ELOVL6: variants seen among roughly 807,000 people sequenced by gnomAD.
The protein encoded by ELOVL6 is ELOVL fatty acid elongase 6.
In ELOVL6, 8 loss-of-function variants were observed where a neutral mutation model predicts 31.7. The ratio of observed to expected loss-of-function variants is 0.25; its 90% confidence interval spans 0.15 to 0.45. The LOEUF (loss-of-function observed/expected upper bound fraction) is 0.45, where lower values mean the gene tolerates loss of function less well. ELOVL6 is among the 20% of genes least tolerant of loss of function. ELOVL6 has a pLI of 1.00. For missense variants in ELOVL6, 126 were observed against 326.4 expected, an observed-to-expected ratio of 0.39 and a Z score of 4.73; for synonymous variants, 101 against 117.7, an observed-to-expected ratio of 0.86 and a Z score of 0.92.
rs769435874 is a variant in ELOVL6, at chr4:110,198,215, C to T, written c.89+32G>A. On this transcript the variant is annotated intron_variant, in intron 1 of 3. Transcript: ENST00000302274. ...ACTCCGGGAAGACGCGCAGGGCTCC[C>T]GGGAACAGTATCAGGCGAAAGCATC... The T allele has an allele frequency of 5.9e-6, 8 of 1,357,774 alleles. No homozygotes were observed. In the East Asian group the frequency reaches 1.4e-4, roughly 23 times the overall value. 84.1% of individuals were successfully genotyped at this position (1,357,774 alleles called of 1,614,324 possible).
chr4:110,083,946 CATGTTATATATGATATATATGATATA>C (rs1755974824), intron 2 of ELOVL6, among the ~76,000 whole-genome samples: 1 of 23,100 alleles, frequency 4.3e-5, no homozygotes. Context: ...ATATATATAA[CATGTTATATATGATATATATGATATA>C]ACATATGCCA....
chr4:110,113,960 A>G (rs1757108272), intron 1 of ELOVL6, among the ~76,000 whole-genome samples: 2 of 152,154 alleles, frequency 1.3e-5, no homozygotes, highest in Admixed American at 6.5e-5. Flanking sequence ...TCAAAATATA[A>G]TAATGATGAG....
At chr4:110,102,956 C>A (rs957988756) in intron 2 of ELOVL6, among the ~76,000 whole-genome samples, 2 of 150,420 alleles carry the variant, frequency 1.3e-5, no homozygotes, top group African/African-American at 4.9e-5. Context: ...TGGGGAGGGG[C>A]GGTAATCGAA....
chr4:110,127,384 G>C (rs1225560680), intron 1 of ELOVL6, among the ~76,000 whole-genome samples: 1 of 122,336 alleles, frequency 8.2e-6, no homozygotes, highest in East Asian at 2.8e-4. Flanking sequence ...TCCAGCCTGG[G>C]TGACAGAGCG....
At chr4:110,069,923 G>A (rs185861376) in intron 2 of ELOVL6, among the ~76,000 whole-genome samples, 86 of 152,208 alleles carry the variant, frequency 5.7e-4, no homozygotes, top group African/African-American at 2.0e-3. Context: ...GATGCCTTCT[G>A]GCCTGTTCTC....
At chr4:110,062,414 G>A (rs1755167693) in intron 2 of ELOVL6, among the ~76,000 whole-genome samples, 1 of 152,212 alleles carries the variant, frequency 6.6e-6, no homozygotes, top group Admixed American at 6.5e-5. Context: ...GGATGTGACA[G>A]TGCTACTGCT....
intron 1 of ELOVL6, among the ~76,000 whole-genome samples, chr4:110,187,000 A>G (rs1759469199): frequency 6.7e-6 from 1 of 150,326 alleles, no homozygotes; most frequent in African/African-American, 2.4e-5. Flanking sequence ...TAAAGTAGGT[A>G]AACCTATCTT....
At chr4:110,094,210 C>T (rs1414935577) in intron 2 of ELOVL6, among the ~76,000 whole-genome samples, 1 of 148,406 alleles carries the variant, frequency 6.7e-6, no homozygotes, top group Non-Finnish European at 1.5e-5. Context: ...GATTGTGCCA[C>T]TGCACTCCAG....
intron 1 of ELOVL6, among the ~76,000 whole-genome samples, chr4:110,178,875 T>C (rs934867095): frequency 6.6e-6 from 1 of 152,114 alleles, no homozygotes; most frequent in Non-Finnish European, 1.5e-5. Context: ...TTTGAAAGAC[T>C]TACACCAAAA....
chr4:110,171,176 G>A (rs1032169469), intron 1 of ELOVL6, among the ~76,000 whole-genome samples: 5 of 152,148 alleles, frequency 3.3e-5, no homozygotes, highest in African/African-American at 1.2e-4. Flanking sequence ...GGGAGGCCAA[G>A]GCAGGCAGAT....
At chr4:110,194,598 G>C (rs968672074) in intron 1 of ELOVL6, among the ~76,000 whole-genome samples, 2 of 152,178 alleles carry the variant, frequency 1.3e-5, no homozygotes, top group African/African-American at 4.8e-5. Context: ...ACTAGCCTCA[G>C]TTGAACCCTT....
At chr4:110,178,332 G>A (rs1222109375) in intron 1 of ELOVL6, among the ~76,000 whole-genome samples, 1 of 152,104 alleles carries the variant, frequency 6.6e-6, no homozygotes, top group Non-Finnish European at 1.5e-5. Flanking sequence ...CGGATCTTGA[G>A]GTCAGGAGTT....
intron 1 of ELOVL6, among the ~76,000 whole-genome samples, chr4:110,141,178 T>C (rs1183760914): frequency 3.3e-5 from 5 of 152,044 alleles, no homozygotes; most frequent in Non-Finnish European, 7.4e-5. Context: ...ATTCTCCTGC[T>C]TCAGCCTCCC....
intron 1 of ELOVL6, among the ~76,000 whole-genome samples, chr4:110,194,797 C>G (rs185969866): frequency 6.6e-6 from 1 of 152,312 alleles, no homozygotes; most frequent in Admixed American, 6.5e-5. Flanking sequence ...TTAGCAAAGG[C>G]AGCATACTGG....
In ELOVL6 at chr4:110,051,298, T is replaced by C; in HGVS notation, c.*40A>G. 1 of 1,579,296 alleles carries C rather than the reference T, an allele frequency of 6.3e-7. No homozygotes were observed. Among genetic ancestry groups the C allele is most frequent in the Non-Finnish European group, 8.6e-7 (1 of 1,161,258 alleles). On this transcript the variant is annotated 3_prime_UTR_variant, in exon 4 of 4. Coordinates refer to ENST00000302274, the MANE Select transcript of ELOVL6 (RefSeq NM_024090.3). The surrounding 1 kb of genome is among the most constrained non-coding windows in gnomAD (Gnocchi z 4.8). ...CATTTTCTTTTGTCTATTATTTTTC[T>C]TGATGACCCTGAGCTATGGCTTCCT...
chr4:110,051,088 T>C lies in ELOVL6; in HGVS notation c.*250A>G, dbSNP rs1197539341. 10 of 496,410 alleles carry C rather than the reference T, an allele frequency of 2.0e-5. No homozygotes were observed. Among genetic ancestry groups the C allele is most frequent in the Non-Finnish European group, 3.3e-5 (9 of 275,572 alleles). 30.8% of individuals were successfully genotyped at this position (496,410 alleles called of 1,614,324 possible). A position where few individuals can be genotyped will look rare whatever the true frequency, so the allele number is the denominator to read the frequency against. On this transcript the variant is annotated 3_prime_UTR_variant, in exon 4 of 4. Coordinates refer to ENST00000302274, the MANE Select transcript of ELOVL6 (RefSeq NM_024090.3). This position sits in a 1 kb window ranked among gnomAD's most constrained non-coding sequence, Gnocchi z 4.8. ...TCTCCCTTGTCCTAGAGTTGATAGA[T>C]AAAGAGGGAATGGGGTCTTCCAGCA...
chr4:110,153,262 A>G (rs774116452), intron 1 of ELOVL6, among the ~76,000 whole-genome samples: 1 of 152,234 alleles, frequency 6.6e-6, no homozygotes, highest in Non-Finnish European at 1.5e-5. Flanking sequence ...TGGTACACAT[A>G]CCATTCTGCA....
intron 1 of ELOVL6, among the ~76,000 whole-genome samples, chr4:110,133,983 A>G (rs372480493): frequency 1.4e-3 from 215 of 152,352 alleles, no homozygotes; most frequent in African/African-American, 4.9e-3. Context: ...TCCTGTGATT[A>G]TTTCATGTAT....
intron 3 of ELOVL6, among the ~76,000 whole-genome samples, chr4:110,054,055 C>T (rs1454115316): frequency 6.6e-6 from 1 of 152,090 alleles, no homozygotes; most frequent in Admixed American, 6.6e-5. Flanking sequence ...GAGCCAAGAT[C>T]ATGCCATTGC....
Sources: allele counts gnomAD v4.1 joint callset (sites outside exome capture counted in the v4.1 genomes callset), GRCh38; gene constraint gnomAD v4.1.1; non-coding constraint Gnocchi (gnomAD v3.1); transcripts MANE v1.5; gene names NCBI Gene and HGNC (gene_info 2026-07-23, HGNC 2026-07-21).